The following ZBTB37 variants were observed in gnomAD, a reference collection of about 807,000 sequenced individuals.
ZBTB37 encodes the protein zinc finger and BTB domain-containing protein 37.
Under a neutral mutation model 37.7 loss-of-function variants are expected in ZBTB37, and 15 were observed. The ratio of observed to expected loss-of-function variants is 0.40; its 90% CI spans 0.27 to 0.61. The LOEUF (loss-of-function observed/expected upper bound fraction) is 0.61. Ranked by LOEUF, ZBTB37 falls within the 20% of genes least tolerant of loss-of-function variation. The pLI is 0.44. For missense variants in ZBTB37, 514 were observed against 641.9 expected (o/e 0.80, Z 2.15); for synonymous variants, 231 against 220.6 (o/e 1.05, Z -0.42).
exon 4 of ZBTB37, chr1:173,895,842 C>A (rs1048747981): frequency 6.6e-6 from 1 of 152,098 alleles, no homozygotes. Context: ...CTAGACTGTT[C>A]CTGCTCTGAG....
At chr1:173,872,276 T>C (rs1655621756) in intron 3 of ZBTB37, among the ~76,000 whole-genome samples, 1 of 152,114 alleles carries the variant, frequency 6.6e-6, no homozygotes, top group African/African-American at 2.4e-5. Flanking sequence ...GGTTTTACCA[T>C]GCTAGCCAGG....
rs1656577257 is a variant in ZBTB37, at chr1:173,885,562, T to C, written c.1024-74T>C. 6.3e-6 allele frequency: 8 copies of C among 1,275,596 alleles called. No individual in the cohort carries two copies. In the South Asian group the frequency reaches 1.2e-4, roughly 20 times the overall value. 79.0% of individuals were successfully genotyped at this position (1,275,596 alleles called of 1,614,324 possible). ...CATATATCTTAGTAACAAGTAAAAATAGATTTGATTGCTTTTAATATGTAT... is the reference window on the plus strand; with the variant it reads ...CATATATCTTAGTAACAAGTAAAAACAGATTTGATTGCTTTTAATATGTAT... On this transcript the variant is annotated intron_variant, in intron 4 of 4. Coordinates refer to ENST00000427304, the Ensembl canonical transcript of ZBTB37.
intron 4 of ZBTB37, among the ~76,000 whole-genome samples, chr1:173,881,827 G>A (rs1656327221): frequency 6.6e-6 from 1 of 152,106 alleles, no homozygotes; most frequent in African/African-American, 2.4e-5. Flanking sequence ...GGCCGAGGCG[G>A]GCGGATCACA....
Position 173,883,442 on chromosome 1 carries a change from G to A in ZBTB37, c.1024-2194G>A, listed in dbSNP as rs141998573. 1.9e-3 allele frequency among the ~76,000 whole-genome samples: 293 copies of A among 152,304 alleles called. 1 individual carries two copies. Among genetic ancestry groups the A allele is most frequent in the African/African-American group, 6.0e-3 (249 of 41,566 alleles). ...TGTGATGAGCCGAGATTGCACTCCAGCCTGGGCAAAAAGAGCGAAACTCCG... is the reference window on the plus strand; with the variant it reads ...TGTGATGAGCCGAGATTGCACTCCAACCTGGGCAAAAAGAGCGAAACTCCG... On this transcript the variant is annotated intron_variant, in intron 4 of 4. Transcript: ENST00000427304.
chr1:173,889,037 T>C (rs767109693), downstream of ZBTB37: 9 of 152,242 alleles, frequency 5.9e-5, no homozygotes, highest in Non-Finnish European at 8.8e-5. Flanking sequence ...AGGACCACTT[T>C]AGCACAATCA....
At chr1:173,885,998 C>T in exon 5 of ZBTB37, 1 of 1,551,766 alleles carries the variant, frequency 6.4e-7, no homozygotes. Context: ...AGGGGCCTCA[C>T]AGCATCTCCC....
chr1:173,892,530 ATAG>A (rs1483230978), exon 4 of ZBTB37: 1 of 152,174 alleles, frequency 6.6e-6, no homozygotes, highest in Non-Finnish European at 1.5e-5. Flanking sequence ...GTAATTATTG[ATAG>A]TAGTATCAAA....
chr1:173,878,253 A>G (rs1291119288), intron 4 of ZBTB37, among the ~76,000 whole-genome samples: 1 of 152,154 alleles, frequency 6.6e-6, no homozygotes, highest in African/African-American at 2.4e-5. Flanking sequence ...CTAATTCTCT[A>G]GACTCAATAT....
At chr1:173,875,249 G>A (rs899583480) in intron 4 of ZBTB37, among the ~76,000 whole-genome samples, 31 of 147,638 alleles carry the variant, frequency 2.1e-4, no homozygotes, top group African/African-American at 4.1e-4. Flanking sequence ...TATACTATGC[G>A]TAGTATACAC....
chr1:173,885,019 A>G (rs746834659), intron 4 of ZBTB37, among the ~76,000 whole-genome samples: 1 of 152,176 alleles, frequency 6.6e-6, no homozygotes, highest in South Asian at 2.1e-4. Context: ...AGATTGCCAA[A>G]GTCCAGGAAT....
At chr1:173,873,440 G>T in intron 3 of ZBTB37, 27 bp from the exon 4 acceptor site, 1 of 1,573,556 alleles carries the variant, frequency 6.4e-7, no homozygotes, top group Non-Finnish European at 8.6e-7. Context: ...TTTTGTATTA[G>T]TCCCCTTTAT....
intron 4 of ZBTB37, among the ~76,000 whole-genome samples, chr1:173,881,624 C>T (rs1298985287): frequency 2.0e-5 from 3 of 152,134 alleles, no homozygotes; most frequent in Non-Finnish European, 4.4e-5. Context: ...CTGTTGTTTC[C>T]TGACTTTTCA....
exon 4 of ZBTB37, chr1:173,894,505 T>G (rs539198256): frequency 1.1e-4 from 17 of 152,188 alleles, no homozygotes; most frequent in Non-Finnish European, 2.1e-4. Context: ...CTCCATGAAG[T>G]CTAAGGACTC....
chr1:173,881,982 A>T (rs1221294649), intron 4 of ZBTB37, among the ~76,000 whole-genome samples: 1 of 151,418 alleles, frequency 6.6e-6, no homozygotes, highest in African/African-American at 2.4e-5. Context: ...TGAACCCGGG[A>T]GGCAGAGCTT....
At chr1:173,871,264 T>C (rs1447056818) in intron 3 of ZBTB37, 116 bp downstream of exon 3, 10 of 1,060,146 alleles carry the variant, frequency 9.4e-6, no homozygotes, top group African/African-American at 8.0e-5. Context: ...TCAAAATAAG[T>C]TGATGATGGG....
At chr1:173,884,157 T>C (rs1240653333) in intron 4 of ZBTB37, among the ~76,000 whole-genome samples, 5 of 152,048 alleles carry the variant, frequency 3.3e-5, no homozygotes, top group Non-Finnish European at 7.4e-5. Context: ...CCAAAGATTT[T>C]TTTTTTTTTT....
intron 4 of ZBTB37, among the ~76,000 whole-genome samples, chr1:173,881,486 A>G (rs929639109): frequency 2.0e-4 from 30 of 152,176 alleles, no homozygotes; most frequent in African/African-American, 6.3e-4. Flanking sequence ...GGGATTGCTG[A>G]GTCAAATGGT....
chr1:173,889,048 T>C (rs1370350992), downstream of ZBTB37: 1 of 152,236 alleles, frequency 6.6e-6, no homozygotes, highest in Non-Finnish European at 1.5e-5. Context: ...AGCACAATCA[T>C]GTTTGCTGGT....
exon 4 of ZBTB37, chr1:173,893,539 A>G (rs1656933080): frequency 6.6e-6 from 1 of 152,224 alleles, no homozygotes; most frequent in African/African-American, 2.4e-5. Context: ...TTGCTTTTGA[A>G]AAGCCTGCAC....
Sources: allele counts gnomAD v4.1 joint callset (sites outside exome capture counted in the v4.1 genomes callset), GRCh38; gene constraint gnomAD v4.1.1; transcripts MANE v1.5; gene names NCBI Gene and HGNC (gene_info 2026-07-23, HGNC 2026-07-21).